Variants in ABI1 observed in about 807,000 individuals in gnomAD.
ABI1 encodes Abelson interactor 1.
In ABI1, 14 loss-of-function variants were observed where a neutral mutation model predicts 54.6. The ratio of observed to expected loss-of-function variants is 0.26; its 90% CI spans 0.17 to 0.40. The LOEUF (loss-of-function observed/expected upper bound fraction) is 0.40, where lower values mean the gene tolerates loss of function less well. Ranked by LOEUF, ABI1 falls within the 10% of genes least tolerant of loss-of-function variation. ABI1 has a pLI of 1.00. For synonymous variants in ABI1, 194 were observed against 209.3 expected (o/e 0.93, Z 0.63); for missense variants, 443 against 598.3 (o/e 0.74, Z 2.71).
intron 1 of ABI1, among the ~76,000 whole-genome samples, chr10:26,829,920 C>A (rs1019687284): frequency 6.6e-6 from 1 of 152,058 alleles, no homozygotes; most frequent in African/African-American, 2.4e-5. Flanking sequence ...TAAATGGGTA[C>A]AGTAGTATAA....
At chr10:26,791,067 T>TAAA (rs1843369372) in intron 2 of ABI1, among the ~76,000 whole-genome samples, 1 of 42,298 alleles carries the variant, frequency 2.4e-5, no homozygotes, top group African/African-American at 1.6e-4. Flanking sequence ...AGATTCCGTC[T>TAAA]CAAAAAAAAA....
chr10:26,858,537 G>GAAAAAAAAAAAAAAAAAAAAA (rs60132421), intron 1 of ABI1, among the ~76,000 whole-genome samples: 1 of 94,242 alleles, frequency 1.1e-5, no homozygotes, highest in African/African-American at 3.7e-5. Context: ...CACAAAAAAA[G>GAAAAAAAAAAAAAAAAAAAAA]AAAAAAAAAA....
chr10:26,808,390 T>A (rs1016780813), intron 2 of ABI1, among the ~76,000 whole-genome samples: 1 of 152,152 alleles, frequency 6.6e-6, no homozygotes, highest in African/African-American at 2.4e-5. Flanking sequence ...GGGTGATGGT[T>A]CAAGTTTCAT....
At chr10:26,774,478 T>A (rs1474523449) in intron 3 of ABI1, among the ~76,000 whole-genome samples, 2 of 152,198 alleles carry the variant, frequency 1.3e-5, no homozygotes, top group Non-Finnish European at 2.9e-5. Flanking sequence ...ACAAAGATCA[T>A]CTTCTTTTCA....
chr10:26,752,241 A>C (rs1250656657), intron 9 of ABI1, among the ~76,000 whole-genome samples: 1 of 152,204 alleles, frequency 6.6e-6, no homozygotes, highest in Non-Finnish European at 1.5e-5. Context: ...TGGTTCCCTA[A>C]AAATTCAGTC....
chr10:26,816,907 C>A (rs911827298), intron 2 of ABI1, among the ~76,000 whole-genome samples: 3 of 151,986 alleles, frequency 2.0e-5, no homozygotes, highest in Non-Finnish European at 4.4e-5. Flanking sequence ...TACAGTGATC[C>A]TCTGGTTATA....
chr10:26,802,502 A>G (rs2046627694), intron 2 of ABI1, among the ~76,000 whole-genome samples: 1 of 152,328 alleles, frequency 6.6e-6, no homozygotes, highest in East Asian at 1.9e-4. Context: ...CAAATAATAC[A>G]TGTTGGGGAT....
chr10:26,764,097 A>G (rs1839597525), intron 7 of ABI1: 1 of 547,748 alleles, frequency 1.8e-6, no homozygotes, highest in African/African-American at 1.9e-5. Flanking sequence ...AATGAGTATG[A>G]ATTTTGTACA....
At chr10:26,820,149 G>T (rs1324261003) in intron 2 of ABI1, among the ~76,000 whole-genome samples, 1 of 152,144 alleles carries the variant, frequency 6.6e-6, no homozygotes, top group Admixed American at 6.5e-5. Flanking sequence ...TAGGGTTGTA[G>T]ACTTGAAATT....
chr10:26,796,819 G>A (rs1285822771), intron 2 of ABI1, among the ~76,000 whole-genome samples: 12 of 152,192 alleles, frequency 7.9e-5, no homozygotes, highest in Admixed American at 7.9e-4. Flanking sequence ...GCACTGGGGA[G>A]ACAGGCGAAT....
chr10:26,769,666 A>ATTCG, intron 5 of ABI1, among the ~76,000 whole-genome samples: 1 of 152,240 alleles, frequency 6.6e-6, no homozygotes, highest in East Asian at 1.9e-4. Context: ...TACACTGAGA[A>ATTCG]CTAGGAAGGA....
At chr10:26,796,183 G>A (rs1844134984) in intron 2 of ABI1, among the ~76,000 whole-genome samples, 1 of 152,100 alleles carries the variant, frequency 6.6e-6, no homozygotes, top group Non-Finnish European at 1.5e-5. Context: ...GGAGCTGTGG[G>A]TCAAAAGATA....
chr10:26,852,267 G>T, intron 1 of ABI1, among the ~76,000 whole-genome samples: 1 of 151,956 alleles, frequency 6.6e-6, no homozygotes, highest in East Asian at 1.9e-4. Flanking sequence ...ATCACCTGAG[G>T]TTGGGAGTTC....
rs377198106 is a variant in ABI1 at position 26,847,363 on chromosome 10, G to A, written c.117+13384C>T. Among the ~76,000 whole-genome samples, 181 of 151,994 alleles carry A rather than the reference G, an allele frequency of 1.2e-3. 1 individual carries two copies. The South Asian group carries it at 0.015, about 13-fold the overall frequency. Reference sequence around the variant, plus strand: ...AGGACCAGGCATGGTGGCTCACGCCGGTAATCTTAACTCTTTGGGAGGTCA... The same window carrying A: ...AGGACCAGGCATGGTGGCTCACGCCAGTAATCTTAACTCTTTGGGAGGTCA... On this transcript the variant is annotated intron_variant, in intron 1 of 10. Transcript: ENST00000376140.
chr10:26,784,730 C>T (rs1278441378), intron 2 of ABI1, among the ~76,000 whole-genome samples: 4 of 152,266 alleles, frequency 2.6e-5, no homozygotes, highest in African/African-American at 2.4e-5. Flanking sequence ...AATTAGAAAA[C>T]TTTATTTGAA....
chr10:26,850,844 GAAGA>G (rs2050329664), intron 1 of ABI1, among the ~76,000 whole-genome samples: 2 of 152,044 alleles, frequency 1.3e-5, no homozygotes, highest in Admixed American at 6.6e-5. Flanking sequence ...AACCTCAACA[GAAGA>G]AAGATCTAAT....
At chr10:26,849,588 T>A (rs1025256971) in intron 1 of ABI1, among the ~76,000 whole-genome samples, 2 of 152,208 alleles carry the variant, frequency 1.3e-5, no homozygotes, top group East Asian at 3.8e-4. Context: ...ATAGGTAAAC[T>A]AAGATTATTT....
At chr10:26,831,224 T>C (rs2048649686) in intron 1 of ABI1, among the ~76,000 whole-genome samples, 2 of 151,608 alleles carry the variant, frequency 1.3e-5, no homozygotes, top group South Asian at 4.3e-4. Context: ...ATACCCAAAT[T>C]TCTCCAACTT....
At chr10:26,840,837 A>AT in intron 1 of ABI1, among the ~76,000 whole-genome samples, 1 of 152,302 alleles carries the variant, frequency 6.6e-6, no homozygotes, top group Middle Eastern at 3.4e-3. Flanking sequence ...CTAAACACCA[A>AT]TTAACAGGAT....
Sources: gnomAD v4.1 joint callset for allele counts (sites outside exome capture counted in the v4.1 genomes callset) on GRCh38, gnomAD v4.1.1 for gene constraint, MANE v1.5 for transcripts, NCBI Gene and HGNC (gene_info 2026-07-23, HGNC 2026-07-21) for gene names.